ADARB2: variants seen among roughly 807,000 people sequenced by gnomAD.
ADARB2 encodes the protein inactive double-stranded RNA-specific editase B2.
Under a neutral mutation model 62.2 loss-of-function variants are expected in ADARB2, and 25 were observed. The observed-to-expected ratio is 0.40, with a 90% CI of 0.29 to 0.56. ADARB2 has a LOEUF of 0.56. ADARB2 is among the 20% of genes least tolerant of loss of function. The probability of loss-of-function intolerance (pLI) is 0.43; values close to 1 mark genes in which losing one functional copy is unlikely to be tolerated. For synonymous variants in ADARB2, 572 were observed against 500.8 expected (o/e 1.14, Z -1.90); for missense variants, 1,071 against 1,077.4 (o/e 0.99, Z 0.08).
intron 1 of ADARB2, among the ~76,000 whole-genome samples, chr10:1,407,619 C>T (rs558694566): frequency 3.9e-5 from 6 of 152,334 alleles, no homozygotes; most frequent in East Asian, 3.9e-4. Flanking sequence ...TGCCCTTCCT[C>T]GGGGCATAGT....
intron 1 of ADARB2, among the ~76,000 whole-genome samples, chr10:1,644,257 G>A (rs1486930011): frequency 1.3e-5 from 2 of 152,316 alleles, no homozygotes; most frequent in Non-Finnish European, 2.9e-5. Context: ...GCCAAGCTAC[G>A]CCACTACTGA....
chr10:1,697,850 C>T (rs977938623), intron 1 of ADARB2, among the ~76,000 whole-genome samples: 1 of 152,206 alleles, frequency 6.6e-6, no homozygotes, highest in Non-Finnish European at 1.5e-5. Flanking sequence ...TCTCTTTCGA[C>T]TTGCTTACTC....
chr10:1,715,270 A>G (rs1835003867), intron 1 of ADARB2, among the ~76,000 whole-genome samples: 1 of 151,586 alleles, frequency 6.6e-6, no homozygotes. Context: ...TTATCCCCAG[A>G]TTTTTCCAGT....
chr10:1,724,669 C>T (rs1835140911), intron 1 of ADARB2, among the ~76,000 whole-genome samples: 1 of 152,184 alleles, frequency 6.6e-6, no homozygotes, highest in Non-Finnish European at 1.5e-5. Flanking sequence ...CTTCAGGTCC[C>T]ATAGAGCAAT....
At chr10:1,286,228 G>A (rs527996868) in intron 3 of ADARB2, among the ~76,000 whole-genome samples, 1 of 152,304 alleles carries the variant, frequency 6.6e-6, no homozygotes, top group African/African-American at 2.4e-5. Context: ...CTAGACCCGG[G>A]AAGTAGGAGA....
chr10:1,611,291 A>G (rs1271703151), intron 1 of ADARB2, among the ~76,000 whole-genome samples: 3 of 152,184 alleles, frequency 2.0e-5, no homozygotes, highest in Non-Finnish European at 4.4e-5. Flanking sequence ...AGGCCCATAA[A>G]TCAGCGTGTG....
intron 1 of ADARB2, chr10:1,556,710 A>G: frequency 1.9e-6 from 1 of 534,132 alleles, no homozygotes. Context: ...GGGCACATCC[A>G]CCCTGCCTGC....
Position 1,312,620 on chromosome 10 carries a change from CA to C in ADARB2, c.1078-41552del, listed in dbSNP as rs1831702661. 4.6e-5 allele frequency among the ~76,000 whole-genome samples: 7 copies of C among 152,368 alleles called. No individual in the cohort carries two copies. In the South Asian group the frequency reaches 1.4e-3, roughly 32 times the overall value. On this transcript the variant is annotated intron_variant, in intron 3 of 9. Coordinates refer to ENST00000381312, the MANE Select transcript of ADARB2 (RefSeq NM_018702.4). ...CATGCACATCTCCCTTTGGCTGTCA[CA>C]GTAACCCTTTGAGGTAGGCGCTGCC...
intron 8 of ADARB2, among the ~76,000 whole-genome samples, chr10:1,186,035 C>T (rs1461069666): frequency 1.3e-5 from 2 of 152,224 alleles, no homozygotes; most frequent in African/African-American, 4.8e-5. Context: ...GGGGCACCTG[C>T]CGAGACCCTG....
chr10:1,735,566 T>A (rs777056363), intron 1 of ADARB2, among the ~76,000 whole-genome samples: 1 of 152,268 alleles, frequency 6.6e-6, no homozygotes, highest in Non-Finnish European at 1.5e-5. Flanking sequence ...TCATATTCAT[T>A]ATTCAATCCG....
chr10:1,282,674 G>A (rs1831380683), intron 3 of ADARB2, among the ~76,000 whole-genome samples: 1 of 152,164 alleles, frequency 6.6e-6, no homozygotes, highest in Non-Finnish European at 1.5e-5. Flanking sequence ...TTCCCCACCT[G>A]GCACTTGGTT....
intron 1 of ADARB2, among the ~76,000 whole-genome samples, chr10:1,449,953 G>C (rs1387786386): frequency 6.6e-6 from 1 of 152,252 alleles, no homozygotes; most frequent in Non-Finnish European, 1.5e-5. Flanking sequence ...CAGTGCCTGT[G>C]CATGCTAATT....
chr10:1,409,033 C>T (rs1832731778), intron 1 of ADARB2, among the ~76,000 whole-genome samples: 1 of 152,172 alleles, frequency 6.6e-6, no homozygotes, highest in South Asian at 2.1e-4. Flanking sequence ...TCTGGGGAGA[C>T]CTAATGAGCT....
chr10:1,525,263 C>A (rs978904061), intron 1 of ADARB2, among the ~76,000 whole-genome samples: 1 of 152,288 alleles, frequency 6.6e-6, no homozygotes, highest in Non-Finnish European at 1.5e-5. Flanking sequence ...ACAAAGATTT[C>A]TTTCCTGGAA....
At chr10:1,351,529 C>CTTCCCTGACTA (rs1203348272) in intron 3 of ADARB2, among the ~76,000 whole-genome samples, 2 of 152,164 alleles carry the variant, frequency 1.3e-5, no homozygotes, top group Non-Finnish European at 2.9e-5. Flanking sequence ...AAATTATCTG[C>CTTCCCTGACTA]TTCCCTGACT....
chr10:1,433,877 A>G (rs1011121733), intron 1 of ADARB2, among the ~76,000 whole-genome samples: 3 of 152,218 alleles, frequency 2.0e-5, no homozygotes, highest in African/African-American at 4.8e-5. Context: ...AATGAATCAA[A>G]GTTTCCGCTA....
chr10:1,422,117 G>A (rs1832856967), intron 1 of ADARB2, among the ~76,000 whole-genome samples: 1 of 152,186 alleles, frequency 6.6e-6, no homozygotes, highest in Admixed American at 6.5e-5. Context: ...CAACAGACTT[G>A]GCTCTTAACT....
chr10:1,185,003 G>A lies in ADARB2; in HGVS notation c.1901C>T (p.Ser634Leu), dbSNP rs373191144. 3.1e-6 allele frequency: 5 copies of A among 1,613,186 alleles called. No homozygotes were observed. The highest frequency in any genetic ancestry group is 2.2e-5 in the South Asian group (2 of 91,066). The change falls in exon 9 of 10, where the codon TCG becomes TTG. Residue 634 changes from serine to leucine, a missense_variant. Ser to Leu is a moderately radical substitution (Grantham distance 145). Transcript: ENST00000381312. ...SDAEARQPGK[S>L]PPFSMNWVVG... ...GACCCAGTTCATGCTGAAGGGGGGC[G>A]ACTTCCCCGGCTGGCGCGCCTCGGC...
chr10:1,302,167 G>T (rs1831578999), intron 3 of ADARB2, among the ~76,000 whole-genome samples: 1 of 152,224 alleles, frequency 6.6e-6, no homozygotes, highest in East Asian at 1.9e-4. Flanking sequence ...GTCAGTGGGT[G>T]CGCACACCGT....
Sources: gnomAD v4.1 joint callset for allele counts (sites outside exome capture counted in the v4.1 genomes callset) on GRCh38, gnomAD v4.1.1 for gene constraint, MANE v1.5 for transcripts, NCBI Gene and HGNC (gene_info 2026-07-23, HGNC 2026-07-21) for gene names.